The following LIFR variants were observed in gnomAD, a reference collection of about 807,000 sequenced individuals.
LIFR encodes the protein LIF receptor subunit alpha.
A neutral mutation model predicts 122.2 loss-of-function variants in LIFR; 84 were observed. The ratio of observed to expected loss-of-function variants is 0.69; its 90% CI spans 0.58 to 0.82. LIFR has a LOEUF of 0.82. LIFR is among the 40% of genes least tolerant of loss of function. LIFR has a pLI of 0.00. For synonymous variants in LIFR, 422 were observed against 434.7 expected, an observed-to-expected ratio of 0.97 and a Z score of 0.36; for missense variants, 1,294 against 1,311.6, an observed-to-expected ratio of 0.99 and a Z score of 0.21.
At chr5:38,593,937 C>T (rs1375258944) in intron 1 of LIFR, among the ~76,000 whole-genome samples, 1 of 152,124 alleles carries the variant, frequency 6.6e-6, no homozygotes, top group African/African-American at 2.4e-5. Flanking sequence ...TTTGTTTAAG[C>T]TACCCAGACT....
chr5:38,530,054 A>G (rs535912703), intron 2 of LIFR, among the ~76,000 whole-genome samples: 14 of 152,316 alleles, frequency 9.2e-5, no homozygotes, highest in African/African-American at 3.4e-4. Context: ...AAATATTTGG[A>G]TTTCATTGAT....
chr5:38,508,124 A>G (rs1181776813), intron 7 of LIFR, among the ~76,000 whole-genome samples: 1 of 152,180 alleles, frequency 6.6e-6, no homozygotes, highest in Non-Finnish European at 1.5e-5. Flanking sequence ...AAATAGAAGG[A>G]CAGACAGAAG....
chr5:38,513,589 T>C (rs1745919850), intron 5 of LIFR, among the ~76,000 whole-genome samples: 1 of 152,250 alleles, frequency 6.6e-6, no homozygotes, highest in African/African-American at 2.4e-5. Context: ...TGCTAACCTA[T>C]GCCTTCTTCC....
At chr5:38,500,499 A>AT (rs1173498993) in intron 11 of LIFR, among the ~76,000 whole-genome samples, 2 of 152,182 alleles carry the variant, frequency 1.3e-5, no homozygotes, top group Non-Finnish European at 2.9e-5. Context: ...TTCATACAAT[A>AT]TTTTAAATAA....
chr5:38,567,516 T>G (rs138149460), intron 1 of LIFR, among the ~76,000 whole-genome samples: 195 of 142,902 alleles, frequency 1.4e-3, no homozygotes, highest in African/African-American at 4.6e-3. Context: ...ATTTATTTAT[T>G]TATTTATTTA....
chr5:38,590,501 T>C lies in LIFR; in HGVS notation c.-20+4760A>G, dbSNP rs368571530. On this transcript the variant is annotated intron_variant, in intron 1 of 19. Transcript: ENST00000263409. ...GTAAAGCAGTGGTCCTGTGATATTT[T>C]AGGTAACTAAGGACCACCTATGACT... is the stretch of plus-strand genomic sequence containing the variant. 4.6e-5 allele frequency among the ~76,000 whole-genome samples: 7 copies of C among 152,350 alleles called. No homozygotes were observed. In the South Asian group the frequency reaches 1.5e-3, roughly 32 times the overall value.
At chr5:38,544,220 T>C (rs1206768428) in intron 1 of LIFR, among the ~76,000 whole-genome samples, 1 of 151,928 alleles carries the variant, frequency 6.6e-6, no homozygotes, top group Non-Finnish European at 1.5e-5. Context: ...TCCCCACCAA[T>C]CCACTCCGCA....
chr5:38,539,692 T>C (rs2112604867), intron 1 of LIFR, among the ~76,000 whole-genome samples: 2 of 152,010 alleles, frequency 1.3e-5, no homozygotes, highest in East Asian at 3.9e-4. Flanking sequence ...GGGTAATACA[T>C]AGAGTAAAAC....
chr5:38,589,273 A>C (rs1009006513), intron 1 of LIFR, among the ~76,000 whole-genome samples: 1 of 152,086 alleles, frequency 6.6e-6, no homozygotes, highest in Non-Finnish European at 1.5e-5. Context: ...TCTTTGGGAT[A>C]CTGCCTCCTT....
At chr5:38,491,266 T>C (rs1208922724) in intron 14 of LIFR, among the ~76,000 whole-genome samples, 1 of 152,228 alleles carries the variant, frequency 6.6e-6, no homozygotes, top group Admixed American at 6.5e-5. Flanking sequence ...CTGAATACAA[T>C]GCAATGTGTA....
chr5:38,508,607 C>T (rs961102892), intron 7 of LIFR, among the ~76,000 whole-genome samples: 23 of 151,650 alleles, frequency 1.5e-4, no homozygotes, highest in Non-Finnish European at 3.1e-4. Flanking sequence ...GACGGAGTCT[C>T]GCTCTGTCAC....
intron 13 of LIFR, among the ~76,000 whole-genome samples, 170 bp from the exon 14 acceptor site, chr5:38,493,955 T>C (rs1018983190): frequency 2.0e-5 from 3 of 152,232 alleles, no homozygotes; most frequent in Admixed American, 2.0e-4. Flanking sequence ...TCTGTTATTT[T>C]CATTTTAACA....
At chr5:38,586,877 C>A (rs1268565584) in intron 1 of LIFR, among the ~76,000 whole-genome samples, 1 of 152,174 alleles carries the variant, frequency 6.6e-6, no homozygotes, top group African/African-American at 2.4e-5. Context: ...GCTTGCATAT[C>A]TTCCTTTAAC....
At chr5:38,482,262 G>A (rs1744034944) in intron 19 of LIFR, 44 bp from the exon 20 acceptor site, 1 of 1,572,832 alleles carries the variant, frequency 6.4e-7, no homozygotes, top group South Asian at 1.2e-5. Context: ...AGCACTAAAT[G>A]CCATTGCAAT....
chr5:38,584,905 C>T (rs765315743), intron 1 of LIFR, among the ~76,000 whole-genome samples: 13 of 152,048 alleles, frequency 8.5e-5, no homozygotes, highest in East Asian at 3.9e-4. Context: ...AGGATAGATG[C>T]GTGAATTTGC....
At chr5:38,538,942 G>A (rs1747435151) in intron 1 of LIFR, among the ~76,000 whole-genome samples, 1 of 152,062 alleles carries the variant, frequency 6.6e-6, no homozygotes, top group Non-Finnish European at 1.5e-5. Context: ...TCCTTTCCTA[G>A]GGGCATCTCT....
chr5:38,533,659 T>C (rs1747138821), intron 1 of LIFR, among the ~76,000 whole-genome samples: 1 of 152,224 alleles, frequency 6.6e-6, no homozygotes, highest in South Asian at 2.1e-4. Flanking sequence ...TTATTTTGTC[T>C]CTGTTCCCCT....
At chr5:38,485,465 T>G in intron 17 of LIFR, 1 of 320,238 alleles carries the variant, frequency 3.1e-6, no homozygotes, top group South Asian at 3.1e-5. Flanking sequence ...TTTTTAAGAA[T>G]ATCTCCTTCA....
At chr5:38,523,659 C>A in intron 4 of LIFR, 77 bp from the exon 5 acceptor site, 1 of 1,141,686 alleles carries the variant, frequency 8.8e-7, no homozygotes, top group Admixed American at 1.8e-5. Context: ...CACTAATCAA[C>A]TACTTATAAA....
Sources: gnomAD v4.1 joint callset for allele counts (sites outside exome capture counted in the v4.1 genomes callset) on GRCh38, gnomAD v4.1.1 for gene constraint, MANE v1.5 for transcripts, NCBI Gene and HGNC (gene_info 2026-07-23, HGNC 2026-07-21) for gene names.